CHM: variants seen among roughly 807,000 people sequenced by gnomAD.
CHM encodes rab proteins geranylgeranyltransferase component A 1.
CHM carries 10 observed loss-of-function variants against 49.0 expected under a neutral mutation model. That is an observed-to-expected ratio of 0.20 (90% CI 0.13 to 0.35). CHM has a LOEUF of 0.35. Ranked by LOEUF, CHM falls within the 10% of genes least tolerant of loss-of-function variation. The pLI is 1.00. For missense variants in CHM, 455 were observed against 478.4 expected (o/e 0.95, Z 0.46); for synonymous variants, 184 against 167.5 (o/e 1.10, Z -0.76).
chrX:85,957,815 T>C (rs775866357), intron 7 of CHM, 40 bp downstream of exon 7: 11 of 1,185,302 alleles, frequency 9.3e-6, no homozygotes, highest in Non-Finnish European at 1.0e-5. Flanking sequence ...TAGTAAGAAA[T>C]GTCAAATAAT....
At chrX:86,014,706 C>A (rs1028075548) in intron 2 of CHM, among the ~76,000 whole-genome samples, 5 of 111,801 alleles carry the variant, frequency 4.5e-5, no homozygotes, top group African/African-American at 1.6e-4. Context: ...ATGAAATAGG[C>A]CAGGCACGGT....
At chrX:86,009,499 G>C (rs1357997981) in intron 2 of CHM, among the ~76,000 whole-genome samples, 2 of 112,261 alleles carry the variant, frequency 1.8e-5, no homozygotes, top group Non-Finnish European at 3.8e-5. Context: ...GGGAAGCCAG[G>C]AGAGAGCTTA....
chrX:86,037,510 G>A (rs1228472350), intron 1 of CHM, among the ~76,000 whole-genome samples: 1 of 111,530 alleles, frequency 9.0e-6, no homozygotes, highest in Non-Finnish European at 1.9e-5. Flanking sequence ...CCAGGCCAGT[G>A]CTCTTCAAAC....
At chrX:86,021,169 T>C (rs1290923854) in intron 2 of CHM, among the ~76,000 whole-genome samples, 13 of 38,509 alleles carry the variant, frequency 3.4e-4, no homozygotes, top group Non-Finnish European at 4.9e-4. Flanking sequence ...CACGTATATA[T>C]ATGTGTATAT....
Position 85,873,192 on chromosome X carries a change from G to A in CHM, c.1630C>T (p.Pro544Ser), listed in dbSNP as rs756312914. Residue 544 changes from proline (P) to serine (S), a missense_variant, in exon 14 of 15, where the codon CCA becomes TCA. Physicochemically the swap from Pro to Ser is moderately conservative, Grantham distance 74. Coordinates refer to ENST00000357749, the MANE Select transcript of CHM (RefSeq NM_000390.4). ...AAGTAAAGAGCCCACAGAATTCTTG[G>A]CTTTTCTACTTGTTCATTTTCTAAA... ...MEIENEQVEK[P>S]RILWALYFNM... 6.7e-6 allele frequency: 8 copies of A among 1,187,945 alleles called. No homozygotes were observed. The East Asian group carries it at 2.1e-4, about 31-fold the overall frequency.
At chrX:85,985,553 C>T (rs1333310458) in intron 2 of CHM, among the ~76,000 whole-genome samples, 1 of 112,051 alleles carries the variant, frequency 8.9e-6, no homozygotes, top group Non-Finnish European at 1.9e-5. Flanking sequence ...AGCTACTCTA[C>T]AAAAAGATGG....
intron 2 of CHM, among the ~76,000 whole-genome samples, chrX:86,000,838 G>T (rs1761663678): frequency 9.0e-6 from 1 of 111,400 alleles, no homozygotes; most frequent in Non-Finnish European, 1.9e-5. Flanking sequence ...GTTAACAGAG[G>T]CTGGGAAGGA....
In CHM at chrX:85,958,891, A is replaced by C; in HGVS notation, c.789T>G (p.Ile263Met). The C allele has an allele frequency of 8.3e-7, 1 of 1,211,532 alleles. No homozygotes were observed. The highest frequency in any genetic ancestry group is 1.1e-6 in the Non-Finnish European group (1 of 895,408). Residue 263 changes from isoleucine to methionine, a missense_variant, in exon 6 of 15, where the codon ATT becomes ATG. By Grantham distance (10) the Ile-to-Met change is conservative (BLOSUM62 1). Transcript: ENST00000357749. ...RYAEFKNITRILAFREGRVEQ... is the reference protein window; with the variant it reads ...RYAEFKNITRMLAFREGRVEQ... ...CCACTCGTCCTTCTCGAAATGCAAGAATCCTGGTAATATTTTTAAACTCTG... is the reference window on the plus strand; with the variant it reads ...CCACTCGTCCTTCTCGAAATGCAAGCATCCTGGTAATATTTTTAAACTCTG...
chrX:85,957,019 A>G (rs1457059615), intron 7 of CHM, among the ~76,000 whole-genome samples: 1 of 111,811 alleles, frequency 8.9e-6, no homozygotes, highest in Non-Finnish European at 1.9e-5. Context: ...AATTTACATA[A>G]ATAAAAATTA....
intron 8 of CHM, among the ~76,000 whole-genome samples, chrX:85,914,923 T>C (rs1285621288): frequency 2.7e-5 from 3 of 110,976 alleles, no homozygotes; most frequent in Non-Finnish European, 5.7e-5. Context: ...GGTTAGAGCA[T>C]GCAGCCCAGG....
chrX:85,904,169 C>T (rs1000626244), intron 9 of CHM, among the ~76,000 whole-genome samples: 3 of 110,819 alleles, frequency 2.7e-5, no homozygotes, highest in African/African-American at 9.8e-5. Flanking sequence ...AATACCCCTC[C>T]CACATAAACC....
chrX:85,982,475 A>C (rs1931681344), intron 2 of CHM, among the ~76,000 whole-genome samples: 1 of 112,511 alleles, frequency 8.9e-6, no homozygotes, highest in South Asian at 3.7e-4. Context: ...GTGAGCTATT[A>C]TTCTTCATTA....
intron 8 of CHM, among the ~76,000 whole-genome samples, chrX:85,925,353 G>A (rs1169050174): frequency 9.0e-6 from 1 of 111,252 alleles, no homozygotes; most frequent in African/African-American, 3.3e-5. Flanking sequence ...AAGCACTGGT[G>A]TTTCCTGACT....
intron 3 of CHM, 54 bp downstream of exon 3, chrX:85,981,683 C>T (rs1474316501): frequency 1.2e-6 from 1 of 865,659 alleles, no homozygotes. Flanking sequence ...TGCAGGGTTA[C>T]TATGTAACAT....
chrX:85,976,619 G>A (rs1427952364), intron 4 of CHM, among the ~76,000 whole-genome samples: 3 of 105,649 alleles, frequency 2.8e-5, no homozygotes, highest in African/African-American at 1.0e-4. Flanking sequence ...GTGAGACTCC[G>A]TCTCAAAAAA....
intron 4 of CHM, among the ~76,000 whole-genome samples, chrX:85,975,081 G>T (rs1212182783): frequency 4.5e-5 from 5 of 110,494 alleles, no homozygotes; most frequent in Admixed American, 9.6e-5. Flanking sequence ...GCAAATAAGA[G>T]AACATGAAAA....
At chrX:86,011,959 C>T (rs758029850) in intron 2 of CHM, among the ~76,000 whole-genome samples, 2 of 112,088 alleles carry the variant, frequency 1.8e-5, no homozygotes, top group East Asian at 5.6e-4. Context: ...ACCTTGACTT[C>T]GTCCCCGTAA....
At chrX:85,892,747 C>T (rs138293558) in intron 12 of CHM, among the ~76,000 whole-genome samples, 100 of 111,406 alleles carry the variant, frequency 9.0e-4, no homozygotes, top group African/African-American at 2.7e-3. Context: ...TCTCTGCTGG[C>T]ATCAGACTTC....
chrX:86,034,989 G>A (rs1168897877), intron 1 of CHM, among the ~76,000 whole-genome samples: 3 of 111,197 alleles, frequency 2.7e-5, no homozygotes, highest in African/African-American at 9.8e-5. Context: ...GTCCCACACT[G>A]AGGAGTAACT....
Sources: gnomAD v4.1 joint callset for allele counts (sites outside exome capture counted in the v4.1 genomes callset) on GRCh38, gnomAD v4.1.1 for gene constraint, MANE v1.5 for transcripts, NCBI Gene and HGNC (gene_info 2026-07-23, HGNC 2026-07-21) for gene names.